EEF2K: variants seen among roughly 807,000 people sequenced by gnomAD.
EEF2K encodes eukaryotic elongation factor 2 kinase.
In EEF2K, 70 loss-of-function variants were observed where a neutral mutation model predicts 93.8. That is an observed-to-expected ratio of 0.75 (90% CI 0.62 to 0.91). The LOEUF is 0.91. EEF2K is among the 40% of genes least tolerant of loss of function. The pLI is 0.00. For missense variants in EEF2K, 935 were observed against 972.9 expected (o/e 0.96, Z 0.52); for synonymous variants, 376 against 380.8 (o/e 0.99, Z 0.15).
intron 15 of EEF2K, among the ~76,000 whole-genome samples, chr16:22,269,955 CTT>C (rs60467730): frequency 1.4e-4 from 20 of 141,634 alleles, no homozygotes; most frequent in Admixed American, 2.1e-4. Context: ...CTTCCTGATT[CTT>C]TTTTTTTTTT....
At chr16:22,262,001 C>CCACACACACACACACACACACA (rs71151667) in intron 11 of EEF2K, among the ~76,000 whole-genome samples, 6 of 138,018 alleles carry the variant, frequency 4.3e-5, no homozygotes, top group African/African-American at 1.6e-4. Context: ...TGAGACCCTG[C>CCACACACACACACACACACACA]CACACACACA....
In EEF2K at chr16:22,258,556, CCT is replaced by C. The variant is rs777547270; in HGVS notation, c.1097_1098del (p.Ser366TrpfsTer51). 1 of 1,614,050 alleles carries C rather than the reference CCT, an allele frequency of 6.2e-7. No individual in the cohort carries two copies. The highest frequency in any genetic ancestry group is 1.6e-4 in the Middle Eastern group (1 of 6,062). On this transcript the variant is annotated frameshift_variant, in exon 10 of 18. Transcript: ENST00000263026. LOFTEE classifies it high-confidence loss of function. ...EKCGSPQVRT[L>X]SGSRPPLLRP... ...AATGTGGGAGCCCCCAAGTAAGGAC[CCT>C]CTCTGGGAGCCGGCCACCCCTGCTC...
chr16:22,267,082 A>G (rs1378892382), intron 15 of EEF2K, among the ~76,000 whole-genome samples: 1 of 152,056 alleles, frequency 6.6e-6, no homozygotes, highest in Non-Finnish European at 1.5e-5. Context: ...GTCTTTGGAG[A>G]GGGAGGGGAA....
chr16:22,215,190 G>A (rs1256285246), intron 1 of EEF2K, among the ~76,000 whole-genome samples: 1 of 152,178 alleles, frequency 6.6e-6, no homozygotes, highest in African/African-American at 2.4e-5. Context: ...CATCTGCCAC[G>A]CAGGTAAGTT....
chr16:22,209,620 G>T (rs547715268), intron 1 of EEF2K, among the ~76,000 whole-genome samples: 1 of 152,302 alleles, frequency 6.6e-6, no homozygotes, highest in South Asian at 2.1e-4. Context: ...GAGGGAGATT[G>T]GTTCTGCTGA....
intron 6 of EEF2K, among the ~76,000 whole-genome samples, chr16:22,254,877 G>A (rs1363253109): frequency 6.6e-6 from 1 of 152,040 alleles, no homozygotes; most frequent in Admixed American, 6.6e-5. Flanking sequence ...TTCAAGACCA[G>A]CCTGGCCAAC....
intron 2 of EEF2K, among the ~76,000 whole-genome samples, chr16:22,231,243 C>T (rs574193797): frequency 4.1e-4 from 63 of 152,066 alleles, no homozygotes; most frequent in Non-Finnish European, 7.9e-4. Flanking sequence ...CGCCCGCCAC[C>T]ACGCCTTGCT....
At chr16:22,229,523 C>T (rs540083375) in intron 2 of EEF2K, among the ~76,000 whole-genome samples, 124 of 152,154 alleles carry the variant, frequency 8.1e-4, no homozygotes, top group Admixed American at 1.6e-3. Context: ...GCCAACATGG[C>T]GAAACCCCGT....
chr16:22,258,480 A>G lies in EEF2K; in HGVS notation c.1030-14A>G. ...GTGTGTGCGTGACATGAGTATCCCT[A>G]TTAATGTCCCTAGCAATCAGCCAAG... On this transcript the variant is annotated splice_polypyrimidine_tract_variant and intron_variant, in intron 9 of 17. Coordinates refer to ENST00000263026, the MANE Select transcript of EEF2K (RefSeq NM_013302.5). The G allele has an allele frequency of 2.5e-6, 4 of 1,613,662 alleles. No homozygotes were observed. The highest frequency in any genetic ancestry group is 1.1e-5 in the South Asian group (1 of 91,046).
chr16:22,217,739 C>T lies in EEF2K; in HGVS notation c.-76-7915C>T, dbSNP rs545897459. On this transcript the variant is annotated intron_variant, in intron 1 of 17. Coordinates refer to ENST00000263026, the MANE Select transcript of EEF2K (RefSeq NM_013302.5). The stretch of plus-strand genomic sequence containing the variant: ...AAGTGTTGAGATTACAGGCGTGAGC[C>T]ACCGTGCCTGGCTGGTTTGGGGATT... Among the ~76,000 whole-genome samples, 13 of 152,274 alleles carry T rather than the reference C, an allele frequency of 8.5e-5. 1 individual carries two copies. The East Asian group carries it at 2.5e-3, about 29-fold the overall frequency.
chr16:22,236,578 G>A (rs1037685632), intron 2 of EEF2K, among the ~76,000 whole-genome samples: 5 of 151,940 alleles, frequency 3.3e-5, no homozygotes, highest in Admixed American at 2.6e-4. Context: ...GGTGATAAAG[G>A]CTTGGGTGAG....
intron 16 of EEF2K, among the ~76,000 whole-genome samples, chr16:22,274,313 A>G (rs2047613996): frequency 6.6e-6 from 1 of 151,936 alleles, no homozygotes; most frequent in South Asian, 2.1e-4. Context: ...GCCTGGTGGC[A>G]CACACCTGTA....
chr16:22,251,472 G>GT, intron 6 of EEF2K, 150 bp downstream of exon 6: 1 of 1,098,596 alleles, frequency 9.1e-7, no homozygotes, highest in Non-Finnish European at 1.2e-6. Flanking sequence ...CAAGGCTGGA[G>GT]TGCAGTGGCA....
rs899213017 is a variant in EEF2K, at chr16:22,284,415, G to C, written c.*419G>C. 6.8e-5 allele frequency: 12 copies of C among 177,562 alleles called. No individual in the cohort carries two copies. Among genetic ancestry groups the C allele is most frequent in the Middle Eastern group, 2.8e-3 (1 of 352 alleles). The allele number at this position is 177,562 out of a possible 1,614,324, so 11.0% of individuals were successfully genotyped here. On this transcript the variant is annotated 3_prime_UTR_variant, in exon 18 of 18. Transcript: ENST00000263026. ...CCTGCCTCAGCCTCCCAAGTAGCTG[G>C]GATTACTGGTGCACACCACCACACT... is the stretch of plus-strand genomic sequence containing the variant.
chr16:22,260,672 G>A (rs895164512), intron 11 of EEF2K, 143 bp downstream of exon 11: 1 of 998,090 alleles, frequency 1.0e-6, no homozygotes, highest in Non-Finnish European at 1.5e-6. Context: ...GGGAATTAGG[G>A]AGGATGCAGA....
intron 2 of EEF2K, among the ~76,000 whole-genome samples, chr16:22,238,432 G>C (rs1350119538): frequency 1.3e-5 from 2 of 151,982 alleles, no homozygotes; most frequent in East Asian, 3.9e-4. Flanking sequence ...CTTGAGGCTA[G>C]AGTTCAAGAC....
intron 15 of EEF2K, among the ~76,000 whole-genome samples, chr16:22,272,031 G>A (rs900041006): frequency 6.6e-6 from 1 of 152,182 alleles, no homozygotes; most frequent in East Asian, 1.9e-4. Flanking sequence ...ATAGCTACAG[G>A]CATGACCCGC....
intron 1 of EEF2K, among the ~76,000 whole-genome samples, chr16:22,222,959 C>T (rs1042549606): frequency 2.0e-5 from 3 of 152,068 alleles, no homozygotes; most frequent in African/African-American, 7.2e-5. Context: ...TTTTCATCAA[C>T]TCAAAAGAAA....
chr16:22,284,249 A>C lies in EEF2K; in HGVS notation c.*253A>C, dbSNP rs1240308268. The C allele has an allele frequency of 2.2e-6, 1 of 452,504 alleles. No individual in the cohort carries two copies. The highest frequency in any genetic ancestry group is 4.0e-6 in the Non-Finnish European group (1 of 249,740). 28.0% of individuals were successfully genotyped at this position (452,504 alleles called of 1,614,324 possible). On this transcript the variant is annotated 3_prime_UTR_variant, in exon 18 of 18. Coordinates refer to ENST00000263026, the MANE Select transcript of EEF2K (RefSeq NM_013302.5). ...GCTTGAAGAAGCAGCCTAATGAACC[A>C]ACATACCGTTTTGTGTGTGGTTTTT...
Sources: allele counts gnomAD v4.1 joint callset (sites outside exome capture counted in the v4.1 genomes callset), GRCh38; gene constraint gnomAD v4.1.1; transcripts MANE v1.5; gene names NCBI Gene and HGNC (gene_info 2026-07-23, HGNC 2026-07-21).